The following YEATS2 variants were observed in gnomAD, a reference collection of about 807,000 sequenced individuals.
The protein encoded by YEATS2 is YEATS domain containing 2, also known as YEATS domain-containing protein 2.
Under a neutral mutation model 163.2 loss-of-function variants are expected in YEATS2, and 77 were observed. The observed-to-expected ratio is 0.47, with a 90% confidence interval of 0.39 to 0.57. The LOEUF (loss-of-function observed/expected upper bound fraction) is 0.57. YEATS2 is among the 20% of genes least tolerant of loss of function. The probability of loss-of-function intolerance (pLI) is 0.00; values close to 1 mark genes in which losing one functional copy is unlikely to be tolerated. For synonymous variants in YEATS2, 631 were observed against 645.1 expected, an observed-to-expected ratio of 0.98 and a Z score of 0.33; for missense variants, 1,549 against 1,729.8, an observed-to-expected ratio of 0.90 and a Z score of 1.85.
At chr3:183,707,921 G>A (rs575272783) in intron 1 of YEATS2, among the ~76,000 whole-genome samples, 3 of 151,790 alleles carry the variant, frequency 2.0e-5, no homozygotes, top group Admixed American at 6.6e-5. Flanking sequence ...TGATCCACCC[G>A]CCTTGGCCTC....
intron 15 of YEATS2, among the ~76,000 whole-genome samples, chr3:183,771,520 T>C (rs938720456): frequency 1.3e-5 from 2 of 149,768 alleles, no homozygotes; most frequent in African/African-American, 4.9e-5. Flanking sequence ...TTTTTTTTTT[T>C]AATAGTTAAA....
rs143473253 is a variant in YEATS2, at chr3:183,789,525, A to ATTTTTTTTTTTTTTTTTTTTT, written c.2914-1264_2914-1244dup. On this transcript the variant is annotated intron_variant, in intron 20 of 30. Transcript: ENST00000305135. ...TTAGGTTTCAGATTCATTCGAGTTA[A>ATTTTTTTTTTTTTTTTTTTTT]TTTTTTTTTTTTTTTTTTTTTTTTT... Among the ~76,000 whole-genome samples the ATTTTTTTTTTTTTTTTTTTTT allele has an allele frequency of 1.1e-4, 7 of 66,350 alleles. 1 individual carries two copies. Among genetic ancestry groups the ATTTTTTTTTTTTTTTTTTTTT allele is most frequent in the African/African-American group, 3.4e-4 (5 of 14,618 alleles). The allele number at this position is 66,350 out of a possible 152,430, so 43.5% of individuals were successfully genotyped here. A position where few individuals can be genotyped will look rare whatever the true frequency, so the allele number is the denominator to read the frequency against.
intron 8 of YEATS2, among the ~76,000 whole-genome samples, chr3:183,744,279 A>AT (rs534205727): frequency 0.011 from 1,665 of 150,306 alleles, 30 homozygotes; most frequent in African/African-American, 0.039. Flanking sequence ...CGCACGGCTA[A>AT]TTTTTTTTTG....
At chr3:183,718,451 C>T (rs370544647) in intron 3 of YEATS2, 49 bp from the exon 4 acceptor site, 1 of 1,442,092 alleles carries the variant, frequency 6.9e-7, no homozygotes, top group Non-Finnish European at 9.5e-7. Flanking sequence ...TTGTACATCT[C>T]TTTTATAATT....
intron 19 of YEATS2, among the ~76,000 whole-genome samples, chr3:183,783,171 C>G (rs1423317919): frequency 1.3e-5 from 2 of 152,200 alleles, no homozygotes; most frequent in African/African-American, 4.8e-5. Flanking sequence ...CTCTTCATCT[C>G]TAAGACAGGA....
At chr3:183,758,401 A>G (rs960053308) in intron 12 of YEATS2, among the ~76,000 whole-genome samples, 17 of 152,268 alleles carry the variant, frequency 1.1e-4, no homozygotes, top group Admixed American at 4.6e-4. Flanking sequence ...GAATAGGCAT[A>G]ACTTTCTGGT....
At position 183,718,496 on chromosome 3, in the gene YEATS2, T is replaced by C; in HGVS notation, c.199-4T>C. 1 of 1,610,114 alleles carries C rather than the reference T, an allele frequency of 6.2e-7. No homozygotes were observed. The highest frequency in any genetic ancestry group is 8.5e-7 in the Non-Finnish European group (1 of 1,178,638). On this transcript the variant is annotated splice_region_variant and splice_polypyrimidine_tract_variant and intron_variant, in intron 3 of 30. Coordinates refer to ENST00000305135, the MANE Select transcript of YEATS2 (RefSeq NM_018023.5). The stretch of plus-strand genomic sequence containing the variant: ...TAAAGTAATGAGTTAACATTTGTTT[T>C]TAGCGACTGATTGAAGCAAGAAGGA...
chr3:183,789,775 G>A (rs1724430036), intron 20 of YEATS2, among the ~76,000 whole-genome samples: 1 of 151,356 alleles, frequency 6.6e-6, no homozygotes, highest in African/African-American at 2.4e-5. Flanking sequence ...TCCTGACCTC[G>A]TGATCCACCC....
intron 26 of YEATS2, chr3:183,803,761 G>C (rs1725910751): frequency 1.8e-6 from 1 of 560,936 alleles, no homozygotes; most frequent in African/African-American, 1.9e-5. Flanking sequence ...GTGGAGACCA[G>C]GTGAAGATCC....
intron 23 of YEATS2, among the ~76,000 whole-genome samples, chr3:183,799,405 AG>A (rs1286114472): frequency 6.6e-6 from 1 of 152,196 alleles, no homozygotes; most frequent in Non-Finnish European, 1.5e-5. Flanking sequence ...GGACTTTAAA[AG>A]AGTAGAGGTT....
chr3:183,768,287 A>T (rs1722111084), intron 15 of YEATS2, among the ~76,000 whole-genome samples: 1 of 152,174 alleles, frequency 6.6e-6, no homozygotes, highest in African/African-American at 2.4e-5. Context: ...GGAAGGGAGC[A>T]GGGGGAGGGA....
intron 15 of YEATS2, among the ~76,000 whole-genome samples, chr3:183,769,773 A>T (rs1436127541): frequency 1.3e-5 from 2 of 152,026 alleles, no homozygotes; most frequent in African/African-American, 4.8e-5. Context: ...GCTCACTGCA[A>T]CCTCCGACTC....
intron 20 of YEATS2, among the ~76,000 whole-genome samples, chr3:183,787,077 C>A (rs1003966427): frequency 5.3e-5 from 8 of 152,118 alleles, no homozygotes; most frequent in Non-Finnish European, 1.2e-4. Flanking sequence ...GCCTCAGCCT[C>A]CCAAGTAGCT....
chr3:183,788,583 T>G (rs1724292677), intron 20 of YEATS2, among the ~76,000 whole-genome samples: 1 of 152,278 alleles, frequency 6.6e-6, no homozygotes, highest in African/African-American at 2.4e-5. Context: ...AAATCTTGGC[T>G]ATTGTGAATA....
chr3:183,741,960 GC>G (rs1250135848), intron 8 of YEATS2, among the ~76,000 whole-genome samples: 1 of 151,678 alleles, frequency 6.6e-6, no homozygotes, highest in East Asian at 1.9e-4. Flanking sequence ...TGTAATCCCA[GC>G]CCTTTGGGAG....
rs1722462151 is a variant in YEATS2 at position 183,771,542 on chromosome 3, C to CTTTTTT, written c.1948-763_1948-762insTTTTTT. Among the ~76,000 whole-genome samples the CTTTTTT allele has an allele frequency of 3.9e-4, 24 of 60,812 alleles. 2 individuals carry two copies. Among genetic ancestry groups the CTTTTTT allele is most frequent in the African/African-American group, 1.1e-3 (11 of 10,298 alleles). 39.9% of individuals were successfully genotyped at this position (60,812 alleles called of 152,430 possible). On this transcript the variant is annotated intron_variant, in intron 15 of 30. Coordinates refer to ENST00000305135, the MANE Select transcript of YEATS2 (RefSeq NM_018023.5). ...TTTTAATAGTTAAATATTATTCTTG[C>CTTTTTT]CTTTTTTTTTTTTTTTTTTTTTTCT...
At chr3:183,717,891 T>C (rs1014574425) in intron 3 of YEATS2, 143 bp downstream of exon 3, 4 of 418,270 alleles carry the variant, frequency 9.6e-6, no homozygotes, top group Non-Finnish European at 1.2e-5. Flanking sequence ...ATAGCTTTCA[T>C]GTTTTGGGGA....
chr3:183,773,617 T>C lies in YEATS2; in HGVS notation c.2207-16T>C. ...TTTCAATTTATCTTACAATTTTTTC[T>C]CCTTTACCATTTTAGTAATGGCAAC... On this transcript the variant is annotated splice_polypyrimidine_tract_variant and intron_variant, in intron 16 of 30. Coordinates refer to ENST00000305135, the MANE Select transcript of YEATS2 (RefSeq NM_018023.5). The C allele has an allele frequency of 3.2e-6, 5 of 1,573,704 alleles. No homozygotes were observed. Among genetic ancestry groups the C allele is most frequent in the Non-Finnish European group, 3.4e-6 (4 of 1,164,742 alleles).
intron 9 of YEATS2, among the ~76,000 whole-genome samples, chr3:183,749,002 G>A (rs951454779): frequency 1.3e-5 from 2 of 151,914 alleles, no homozygotes; most frequent in Non-Finnish European, 1.5e-5. Flanking sequence ...GAGTGCGGTG[G>A]CGTGATCTCC....
Sources: allele counts gnomAD v4.1 joint callset (sites outside exome capture counted in the v4.1 genomes callset), GRCh38; gene constraint gnomAD v4.1.1; transcripts MANE v1.5; gene names NCBI Gene and HGNC (gene_info 2026-07-23, HGNC 2026-07-21).